RBFOX1: variants seen among roughly 807,000 people sequenced by gnomAD.
RBFOX1 encodes the protein RNA binding protein fox-1 homolog 1.
RBFOX1 carries 8 observed loss-of-function variants against 57.7 expected under a neutral mutation model. The observed-to-expected ratio is 0.14, with a 90% CI of 0.08 to 0.25. RBFOX1 has a LOEUF of 0.25. Among genes scored for constraint, RBFOX1 ranks in the 10% least tolerant of loss-of-function variants. RBFOX1 has a pLI of 1.00. For synonymous variants in RBFOX1, 326 were observed against 222.4 expected, an observed-to-expected ratio of 1.47 and a Z score of -4.15; for missense variants, 611 against 548.5, an observed-to-expected ratio of 1.11 and a Z score of -1.14.
At chr16:6,875,227 C>T (rs190923934) in intron 3 of RBFOX1, among the ~76,000 whole-genome samples, 5 of 152,184 alleles carry the variant, frequency 3.3e-5, no homozygotes, top group African/African-American at 9.7e-5. Context: ...GATATTATCA[C>T]TATTGTAATT....
chr16:5,454,472 T>A (rs2068519281), intron 1 of RBFOX1, among the ~76,000 whole-genome samples: 1 of 152,232 alleles, frequency 6.6e-6, no homozygotes, highest in African/African-American at 2.4e-5. Context: ...ATCTAAGGCA[T>A]TAATATTGAA....
chr16:7,218,683 C>CGTGTGTGTGTGTG (rs2092469701), intron 4 of RBFOX1, among the ~76,000 whole-genome samples: 1 of 83,054 alleles, frequency 1.2e-5, no homozygotes, highest in Non-Finnish European at 2.4e-5. Context: ...TGTGTGTGTC[C>CGTGTGTGTGTGTG]TTTTGTTCCT....
At chr16:6,622,759 A>C (rs1435002552) in intron 2 of RBFOX1, among the ~76,000 whole-genome samples, 1 of 152,208 alleles carries the variant, frequency 6.6e-6, no homozygotes, top group Non-Finnish European at 1.5e-5. Context: ...TTTATATTTA[A>C]ATAATGATTT....
At chr16:6,159,993 C>G (rs2096866387) in intron 1 of RBFOX1, among the ~76,000 whole-genome samples, 1 of 152,142 alleles carries the variant, frequency 6.6e-6, no homozygotes, top group Non-Finnish European at 1.5e-5. Context: ...ACTTAAACCT[C>G]TTCCCACCAC....
Position 6,856,294 on chromosome 16 carries a change from G to T in RBFOX1, c.-15-195763G>T, listed in dbSNP as rs544246374. On this transcript the variant is annotated intron_variant, in intron 3 of 15. Transcript: ENST00000550418. ...TAGGTGTTTTATTGTTGAGTATGAT[G>T]ATGTAGGAGTTCTATTCCCAATTCA... 2.0e-5 allele frequency among the ~76,000 whole-genome samples: 3 copies of T among 152,266 alleles called. No homozygotes were observed. In the South Asian group the frequency reaches 6.2e-4, roughly 32 times the overall value.
chr16:6,935,475 C>T (rs748971228), intron 3 of RBFOX1, among the ~76,000 whole-genome samples: 1 of 152,178 alleles, frequency 6.6e-6, no homozygotes, highest in South Asian at 2.1e-4. Context: ...TGAATGATTA[C>T]TGTTGTCTTA....
At chr16:5,776,784 A>G (rs2151692873) in intron 3 of RBFOX1, among the ~76,000 whole-genome samples, 1 of 152,314 alleles carries the variant, frequency 6.6e-6, no homozygotes, top group Admixed American at 6.5e-5. Flanking sequence ...TACAGGTATG[A>G]AGATGTGTCT....
At chr16:6,088,276 A>G (rs1386317659) in intron 1 of RBFOX1, among the ~76,000 whole-genome samples, 1 of 152,108 alleles carries the variant, frequency 6.6e-6, no homozygotes, top group Non-Finnish European at 1.5e-5. Flanking sequence ...AACTATGAAC[A>G]ATATGGAACA....
chr16:5,313,851 C>G (rs1469443290), intron 1 of RBFOX1, among the ~76,000 whole-genome samples: 1 of 151,376 alleles, frequency 6.6e-6, no homozygotes, highest in Non-Finnish European at 1.5e-5. Context: ...GGATTGGGGA[C>G]ACAGCCAAAC....
chr16:6,728,240 A>G (rs568697960), intron 3 of RBFOX1, among the ~76,000 whole-genome samples: 2 of 152,312 alleles, frequency 1.3e-5, no homozygotes, highest in South Asian at 2.1e-4. Flanking sequence ...CAGGACTGCT[A>G]TATTGTGGTA....
At chr16:7,007,020 G>C (rs1422037473) in intron 3 of RBFOX1, among the ~76,000 whole-genome samples, 1 of 152,144 alleles carries the variant, frequency 6.6e-6, no homozygotes, top group Non-Finnish European at 1.5e-5. Flanking sequence ...TGATCTCACG[G>C]TTCTATAGGT....
At chr16:5,891,763 G>C (rs958791038) in intron 4 of RBFOX1, among the ~76,000 whole-genome samples, 4 of 152,218 alleles carry the variant, frequency 2.6e-5, no homozygotes, top group African/African-American at 9.6e-5. Flanking sequence ...CTGGGGCAGA[G>C]CTGGGGTAGA....
chr16:6,855,652 C>CAA (rs71147612), intron 3 of RBFOX1, among the ~76,000 whole-genome samples: 36,289 of 127,346 alleles, frequency 0.28, 5,254 homozygotes, highest in Middle Eastern at 0.4. Flanking sequence ...GACTCCATCT[C>CAA]AAAAAAAAAA....
chr16:6,328,895 A>G lies in RBFOX1; in HGVS notation c.-64+11838A>G, dbSNP rs189705432. ...AAACCTTGTGCTCTGATAAGGAAGA[A>G]GAGAGAAGAGAGAAAATGAAAGACA... On this transcript the variant is annotated intron_variant, in intron 2 of 15. Coordinates refer to ENST00000550418, the MANE Select transcript of RBFOX1 (RefSeq NM_018723.4). 3.1e-3 allele frequency among the ~76,000 whole-genome samples: 466 copies of G among 152,246 alleles called. 1 individual carries two copies. The highest frequency in any genetic ancestry group is 4.6e-3 in the Non-Finnish European group (315 of 68,014).
chr16:5,783,775 A>G (rs1179147355), intron 3 of RBFOX1, among the ~76,000 whole-genome samples: 1 of 152,198 alleles, frequency 6.6e-6, no homozygotes, highest in Non-Finnish European at 1.5e-5. Context: ...ACGAAGAGGC[A>G]GGATAGTATA....
chr16:5,898,849 C>T (rs1203960597), intron 4 of RBFOX1, among the ~76,000 whole-genome samples: 2 of 150,916 alleles, frequency 1.3e-5, no homozygotes, highest in Non-Finnish European at 2.9e-5. Flanking sequence ...TGCTTGAGGC[C>T]AGGCATTTGA....
intron 1 of RBFOX1, among the ~76,000 whole-genome samples, chr16:5,293,812 G>C (rs1469877123): frequency 1.3e-5 from 2 of 151,116 alleles, no homozygotes. Context: ...GGGGCGGGGG[G>C]TGTTAATGAA....
At chr16:7,361,761 G>A (rs527402561) in intron 4 of RBFOX1, among the ~76,000 whole-genome samples, 1 of 152,156 alleles carries the variant, frequency 6.6e-6, no homozygotes, top group Admixed American at 6.5e-5. Flanking sequence ...ACTCGAGGCT[G>A]CATCAAGGGG....
chr16:7,680,487 C>G (rs763409791), intron 14 of RBFOX1, among the ~76,000 whole-genome samples: 1 of 152,032 alleles, frequency 6.6e-6, no homozygotes, highest in African/African-American at 2.4e-5. Context: ...AGATGCAGAC[C>G]GCCTAGAGAC....
Sources: gnomAD v4.1 joint callset for allele counts (sites outside exome capture counted in the v4.1 genomes callset) on GRCh38, gnomAD v4.1.1 for gene constraint, MANE v1.5 for transcripts, NCBI Gene and HGNC (gene_info 2026-07-23, HGNC 2026-07-21) for gene names.